Variants in KCND3 observed in about 807,000 individuals in gnomAD.
The protein encoded by KCND3 is A-type voltage-gated potassium channel KCND3.
A neutral mutation model predicts 51.1 loss-of-function variants in KCND3; 9 were observed. The observed-to-expected ratio is 0.18, with a 90% CI of 0.11 to 0.31. The LOEUF is 0.31. KCND3 is among the 10% of genes least tolerant of loss of function. The pLI, the probability that KCND3 is intolerant of heterozygous loss-of-function variation, is 1.00. For synonymous variants in KCND3, 349 were observed against 368.0 expected (o/e 0.95, Z 0.59); for missense variants, 526 against 903.8 (o/e 0.58, Z 5.36).
rs958918412 is a variant in KCND3 at position 111,773,971 on chromosome 1, T to C, written c.*2106A>G. The C allele has an allele frequency of 2.6e-5, 4 of 152,240 alleles. No individual in the cohort carries two copies. The highest frequency in any genetic ancestry group is 4.4e-5 in the Non-Finnish European group (3 of 68,048). The allele number at this position is 152,240 out of a possible 1,614,324, so 9.4% of individuals were successfully genotyped here. A position where few individuals can be genotyped will look rare whatever the true frequency, so the allele number is the denominator to read the frequency against. ...TGTATACACATGTACTCTGTAGTTG[T>C]AAAGCTTTTCTGCCTTCTTAGTCTG... is the stretch of plus-strand genomic sequence containing the variant. On this transcript the variant is annotated 3_prime_UTR_variant, in exon 8 of 8. Transcript: ENST00000302127.
intron 2 of KCND3, among the ~76,000 whole-genome samples, chr1:111,961,545 G>A (rs1175229253): frequency 6.6e-6 from 1 of 152,138 alleles, no homozygotes; most frequent in Admixed American, 6.5e-5. Flanking sequence ...GCCAGCTTTT[G>A]CCAAGCTCCT....
chr1:111,932,945 T>G (rs114840057), intron 2 of KCND3, among the ~76,000 whole-genome samples: 58 of 152,290 alleles, frequency 3.8e-4, no homozygotes, highest in Non-Finnish European at 6.9e-4. Flanking sequence ...AGCAAACATT[T>G]ATAGAGTACT....
chr1:111,782,132 G>C (rs1664415942), intron 3 of KCND3, among the ~76,000 whole-genome samples: 1 of 152,166 alleles, frequency 6.6e-6, no homozygotes, highest in African/African-American at 2.4e-5. Context: ...TAGGGAAATT[G>C]TGGCAATTTC....
At chr1:111,943,911 C>A (rs12741034) in intron 2 of KCND3, among the ~76,000 whole-genome samples, 16,896 of 152,226 alleles carry the variant, frequency 0.11, 1,041 homozygotes, top group African/African-American at 0.14. Context: ...TTTTCTTTCC[C>A]ATTACTCCAA....
At chr1:111,792,488 T>A (rs1342663160) in intron 2 of KCND3, among the ~76,000 whole-genome samples, 6 of 152,298 alleles carry the variant, frequency 3.9e-5, no homozygotes, top group African/African-American at 1.4e-4. Flanking sequence ...GGAAAAGGGC[T>A]GTGAGGAGTC....
rs1237589982 is a variant in KCND3, at chr1:111,911,972, C to CT, written c.1106+69648dup. On this transcript the variant is annotated intron_variant, in intron 2 of 7. Transcript: ENST00000302127. ...CCAGAATTCTTGGAGTTCAAGACGA[C>CT]TGAGGCAGCTAGAGTGTGCAGGCAC... is the stretch of plus-strand genomic sequence containing the variant. 2.6e-5 allele frequency among the ~76,000 whole-genome samples: 4 copies of CT among 152,182 alleles called. No individual in the cohort carries two copies. The East Asian group carries it at 7.7e-4, about 29-fold the overall frequency.
chr1:111,980,311 T>C (rs906137181), intron 2 of KCND3, among the ~76,000 whole-genome samples: 1 of 151,856 alleles, frequency 6.6e-6, no homozygotes, highest in Non-Finnish European at 1.5e-5. Context: ...CCCAATCAAA[T>C]GTGGCCTTCA....
At chr1:111,817,964 G>T (rs1465070169) in intron 2 of KCND3, among the ~76,000 whole-genome samples, 2 of 152,032 alleles carry the variant, frequency 1.3e-5, no homozygotes, top group Admixed American at 6.6e-5. Context: ...TAGTTCTTCA[G>T]CATCTGTCAA....
intron 2 of KCND3, among the ~76,000 whole-genome samples, chr1:111,857,485 C>T (rs1314675900): frequency 1.3e-5 from 2 of 152,158 alleles, no homozygotes; most frequent in Admixed American, 6.5e-5. Context: ...TGCAGTACAG[C>T]CGGGAGAAGT....
intron 2 of KCND3, among the ~76,000 whole-genome samples, chr1:111,978,638 G>T (rs1674774221): frequency 6.6e-6 from 1 of 152,172 alleles, no homozygotes; most frequent in African/African-American, 2.4e-5. Context: ...GCAGCCCAGG[G>T]AATAGATCAT....
chr1:111,797,136 T>C (rs1436368857), intron 2 of KCND3, among the ~76,000 whole-genome samples: 1 of 152,264 alleles, frequency 6.6e-6, no homozygotes, highest in Non-Finnish European at 1.5e-5. Context: ...CCTGTAGCTC[T>C]GGAGTGAGAT....
intron 2 of KCND3, among the ~76,000 whole-genome samples, chr1:111,904,031 G>A (rs181221740): frequency 1.3e-5 from 2 of 152,014 alleles, no homozygotes; most frequent in Non-Finnish European, 1.5e-5. Context: ...TAAACAATTT[G>A]TTGGCCTTCT....
intron 2 of KCND3, among the ~76,000 whole-genome samples, chr1:111,853,302 T>A (rs12748970): frequency 6.6e-6 from 1 of 152,046 alleles, no homozygotes; most frequent in Admixed American, 6.5e-5. Context: ...TAAAACTAAC[T>A]TTCAGGGTCG....
chr1:111,940,893 G>A (rs1672484171), intron 2 of KCND3, among the ~76,000 whole-genome samples: 1 of 152,086 alleles, frequency 6.6e-6, no homozygotes, highest in Non-Finnish European at 1.5e-5. Flanking sequence ...TACAACCAAA[G>A]TTTTGAACAC....
At chr1:111,865,759 C>T (rs1668530472) in intron 2 of KCND3, among the ~76,000 whole-genome samples, 1 of 152,160 alleles carries the variant, frequency 6.6e-6, no homozygotes, top group African/African-American at 2.4e-5. Flanking sequence ...GGCTGGAGTG[C>T]AGTGGTGTGA....
At chr1:111,978,702 A>G (rs1343833993) in intron 2 of KCND3, among the ~76,000 whole-genome samples, 6 of 152,232 alleles carry the variant, frequency 3.9e-5, no homozygotes, top group Non-Finnish European at 4.4e-5. Context: ...CTGGGGCAGA[A>G]TACACATATC....
chr1:111,874,920 C>T (rs1360203626), intron 2 of KCND3, among the ~76,000 whole-genome samples: 2 of 152,220 alleles, frequency 1.3e-5, no homozygotes, highest in Non-Finnish European at 1.5e-5. Context: ...ACTAACTCCT[C>T]ACCTACCTCC....
chr1:111,898,907 T>C (rs1471891557), intron 2 of KCND3, among the ~76,000 whole-genome samples: 1 of 152,142 alleles, frequency 6.6e-6, no homozygotes, highest in Admixed American at 6.5e-5. Context: ...CTCTCCTATT[T>C]AGGTACCAAG....
At chr1:111,931,492 C>G (rs902999324) in intron 2 of KCND3, among the ~76,000 whole-genome samples, 3 of 152,182 alleles carry the variant, frequency 2.0e-5, no homozygotes, top group Admixed American at 2.0e-4. Flanking sequence ...CCATAGCTTT[C>G]CTAGTGTAGT....
Sources: gnomAD v4.1 joint callset for allele counts (sites outside exome capture counted in the v4.1 genomes callset) on GRCh38, gnomAD v4.1.1 for gene constraint, MANE v1.5 for transcripts, NCBI Gene and HGNC (gene_info 2026-07-23, HGNC 2026-07-21) for gene names.